CRACDL: variants seen among roughly 807,000 people sequenced by gnomAD.
The protein encoded by CRACDL is CRACD-like protein.
Under a neutral mutation model 70.6 loss-of-function variants are expected in CRACDL, and 26 were observed. That is an observed-to-expected ratio of 0.37 (90% CI 0.27 to 0.51). The LOEUF is 0.51. Among genes scored for constraint, CRACDL ranks in the 20% least tolerant of loss-of-function variants. CRACDL has a pLI of 0.94. For missense variants in CRACDL, 1,283 were observed against 1,376.9 expected (o/e 0.93, Z 1.08); for synonymous variants, 618 against 615.2 (o/e 1.00, Z -0.07).
At chr2:98,814,388 G>T (rs1704699212) in intron 7 of CRACDL, among the ~76,000 whole-genome samples, 1 of 152,094 alleles carries the variant, frequency 6.6e-6, no homozygotes, top group Non-Finnish European at 1.5e-5. Context: ...TTTCCCTTGA[G>T]ACATCCTCTT....
In CRACDL at chr2:98,823,237, A is replaced by C. The variant is rs1705166464; in HGVS notation, c.1036T>G (p.Ser346Ala). Residue 346 changes from serine (S) to alanine (A), a missense_variant, in exon 7 of 10, where the codon TCG becomes GCG. Physicochemically the swap from Ser to Ala is moderately conservative, Grantham distance 99 (BLOSUM62 1). Around this residue, in one of 2 missense-constraint regions of CRACDL, gnomAD observed 362 missense variants for 495.0 expected, o/e 0.73. Coordinates refer to ENST00000397899, the MANE Select transcript of CRACDL (RefSeq NM_207362.3). The surrounding 1 kb of genome is among the most constrained non-coding windows in gnomAD (Gnocchi z 4.0). ...GGCTCCACGCGGAGAGTGGGGGCCGACTCGGGCTCGGCGAGCTCCGGGGTG... is the reference window on the plus strand; with the variant it reads ...GGCTCCACGCGGAGAGTGGGGGCCGCCTCGGGCTCGGCGAGCTCCGGGGTG... ...PATPELAEPE[S>A]APTLRVEPPS... The C allele has an allele frequency of 5.0e-6, 7 of 1,400,556 alleles. No homozygotes were observed. Among genetic ancestry groups the C allele is most frequent in the Non-Finnish European group, 5.5e-6 (6 of 1,084,110 alleles). The allele number at this position is 1,400,556 out of a possible 1,614,324, so 86.8% of individuals were successfully genotyped here.
At chr2:98,871,253 T>C (rs546715505) in intron 1 of CRACDL, among the ~76,000 whole-genome samples, 2 of 152,318 alleles carry the variant, frequency 1.3e-5, no homozygotes, top group East Asian at 3.9e-4. Context: ...ACAGAAAATA[T>C]CTTATGCAAG....
At position 98,850,537 on chromosome 2, in the gene CRACDL, T is replaced by G. The variant is rs527874389; in HGVS notation, c.-10-3727A>C. Reference sequence around the variant, plus strand: ...AGTGCTTCTCACTGGAGCTCCAAGGTCAAGTCAGGCCACCTCAGTGTCCCC... The same window carrying G: ...AGTGCTTCTCACTGGAGCTCCAAGGGCAAGTCAGGCCACCTCAGTGTCCCC... On this transcript the variant is annotated intron_variant, in intron 1 of 9. Transcript: ENST00000397899. Among the ~76,000 whole-genome samples, 3 of 152,274 alleles carry G rather than the reference T, an allele frequency of 2.0e-5. No homozygotes were observed. In the South Asian group the frequency reaches 6.2e-4, roughly 32 times the overall value.
chr2:98,818,458 G>A (rs1575341814), intron 7 of CRACDL, among the ~76,000 whole-genome samples: 1 of 152,208 alleles, frequency 6.6e-6, no homozygotes, highest in African/African-American at 2.4e-5. Flanking sequence ...AGTGCCCAAA[G>A]CCGAGTCATC....
intron 1 of CRACDL, among the ~76,000 whole-genome samples, chr2:98,905,542 T>C (rs1351712157): frequency 6.6e-6 from 1 of 152,152 alleles, no homozygotes; most frequent in Non-Finnish European, 1.5e-5. Context: ...ACAACACAAA[T>C]GGACTAACAC....
intron 2 of CRACDL, among the ~76,000 whole-genome samples, chr2:98,839,011 A>T (rs72811074): frequency 0.037 from 5,595 of 152,338 alleles, 137 homozygotes; most frequent in Middle Eastern, 0.065. Flanking sequence ...TGCTCAGCAA[A>T]GTTCATTCCT....
chr2:98,832,323 A>G (rs774519833), intron 5 of CRACDL, 25 bp downstream of exon 5: 4 of 1,613,692 alleles, frequency 2.5e-6, no homozygotes, highest in Non-Finnish European at 3.4e-6. Context: ...GGATGAAGAC[A>G]TGCAGTGGTA....
intron 1 of CRACDL, among the ~76,000 whole-genome samples, chr2:98,864,906 G>T (rs1442766899): frequency 6.6e-6 from 1 of 152,176 alleles, no homozygotes; most frequent in Non-Finnish European, 1.5e-5. Flanking sequence ...CATCAAAGCT[G>T]CGGAAAAAGG....
intron 1 of CRACDL, among the ~76,000 whole-genome samples, chr2:98,878,467 A>G (rs1707547149): frequency 6.6e-6 from 1 of 152,238 alleles, no homozygotes; most frequent in South Asian, 2.1e-4. Context: ...ACTGCATAGT[A>G]GGCTATACCA....
chr2:98,881,003 C>T (rs1039993672), intron 1 of CRACDL, among the ~76,000 whole-genome samples: 3 of 152,228 alleles, frequency 2.0e-5, no homozygotes, highest in Non-Finnish European at 2.9e-5. Flanking sequence ...ACCCCTTCCA[C>T]TCTCAGGATG....
chr2:98,823,098 A>G lies in CRACDL; in HGVS notation c.1175T>C (p.Val392Ala). Residue 392 changes from valine (V) to alanine (A), a missense_variant, in exon 7 of 10, where the codon GTC becomes GCC. By Grantham distance (64) the Val-to-Ala change is moderately conservative. Coordinates refer to ENST00000397899, the MANE Select transcript of CRACDL (RefSeq NM_207362.3). This position sits in a 1 kb window ranked among gnomAD's most constrained non-coding sequence, Gnocchi z 4.0. ...APATDKAEEV[V>A]CAPEDVASPF... ...GCTCGCGACGTCTTCGGGAGCACAG[A>G]CCACCTCCTCCGCCTTGTCCGTGGC... 1 of 1,578,114 alleles carries G rather than the reference A, an allele frequency of 6.3e-7. No homozygotes were observed. The highest frequency in any genetic ancestry group is 8.6e-7 in the Non-Finnish European group (1 of 1,165,500).
chr2:98,933,450 A>G (rs954827498), intron 1 of CRACDL, among the ~76,000 whole-genome samples: 2 of 152,224 alleles, frequency 1.3e-5, no homozygotes, highest in African/African-American at 4.8e-5. Flanking sequence ...TAGGCTCTAG[A>G]AAAACAGAAC....
chr2:98,857,008 C>T (rs987519248), intron 1 of CRACDL, among the ~76,000 whole-genome samples: 3 of 152,206 alleles, frequency 2.0e-5, no homozygotes, highest in African/African-American at 7.2e-5. Context: ...GTTGAGTCTG[C>T]TCCCTAGGAG....
intron 5 of CRACDL, among the ~76,000 whole-genome samples, chr2:98,828,314 TCAAG>T (rs948048126): frequency 1.3e-5 from 2 of 152,230 alleles, no homozygotes; most frequent in African/African-American, 4.8e-5. Flanking sequence ...TCTGTGATCT[TCAAG>T]CAAGCCTTCT....
intron 1 of CRACDL, among the ~76,000 whole-genome samples, chr2:98,877,576 G>A (rs1215440649): frequency 1.3e-5 from 2 of 151,882 alleles, no homozygotes; most frequent in African/African-American, 4.8e-5. Flanking sequence ...TGAAAACCCC[G>A]TTACTACTAA....
At position 98,822,368 on chromosome 2, in the gene CRACDL, G is replaced by C; in HGVS notation, c.1905C>G (p.Arg635=). 1 of 1,471,152 alleles carries C rather than the reference G, an allele frequency of 6.8e-7. No homozygotes were observed. The highest frequency in any genetic ancestry group is 8.9e-7 in the Non-Finnish European group (1 of 1,120,526). The allele number at this position is 1,471,152 out of a possible 1,614,324, so 91.1% of individuals were successfully genotyped here. A position where few individuals can be genotyped will look rare whatever the true frequency, so the allele number is the denominator to read the frequency against. ...CCCTGTCCCCCGAGTCCTGAGGGCC[G>C]CGCTCCGCCAGCTTCCGAGGGCCAG... ...AKPGPRKLAE[R]GPQDSGDRAA... The change falls in exon 7 of 10, where the codon CGC becomes CGG. Residue 635 remains arginine (R), a synonymous_variant. Coordinates refer to ENST00000397899, the MANE Select transcript of CRACDL (RefSeq NM_207362.3). The surrounding 1 kb of genome is among the most constrained non-coding windows in gnomAD (Gnocchi z 4.9).
At chr2:98,914,482 T>C (rs1400630173) in intron 1 of CRACDL, among the ~76,000 whole-genome samples, 1 of 152,248 alleles carries the variant, frequency 6.6e-6, no homozygotes, top group Non-Finnish European at 1.5e-5. Flanking sequence ...AGTTGAGTCC[T>C]GTCCCCGCTG....
At chr2:98,862,195 A>G (rs1379526311) in intron 1 of CRACDL, among the ~76,000 whole-genome samples, 1 of 152,244 alleles carries the variant, frequency 6.6e-6, no homozygotes, top group Non-Finnish European at 1.5e-5. Flanking sequence ...GTCTCAGGAA[A>G]GATCTGGGAA....
intron 7 of CRACDL, among the ~76,000 whole-genome samples, chr2:98,816,855 A>G (rs1290228481): frequency 2.6e-5 from 4 of 152,232 alleles, no homozygotes; most frequent in Non-Finnish European, 5.9e-5. Flanking sequence ...ATATGTGGGT[A>G]TATACCCAAA....
Sources: gnomAD v4.1 joint callset for allele counts (sites outside exome capture counted in the v4.1 genomes callset) on GRCh38, gnomAD v4.1.1 for gene constraint, gnomAD v4.1.1 regional missense constraint, Gnocchi (gnomAD v3.1) non-coding constraint, MANE v1.5 for transcripts, NCBI Gene and HGNC (gene_info 2026-07-23, HGNC 2026-07-21) for gene names.